The following CDKAL1 variants were observed in gnomAD, a reference collection of about 807,000 sequenced individuals.
The protein encoded by CDKAL1 is CDKAL1 threonylcarbamoyladenosine tRNA methylthiotransferase.
CDKAL1 carries 32 observed loss-of-function variants against 68.2 expected under a neutral mutation model. The observed-to-expected ratio is 0.47, with a 90% CI of 0.35 to 0.63. The LOEUF (loss-of-function observed/expected upper bound fraction) is 0.63. CDKAL1 is among the 30% of genes least tolerant of loss of function. CDKAL1 has a pLI of 0.00. For synonymous variants in CDKAL1, 234 were observed against 244.3 expected, an observed-to-expected ratio of 0.96 and a Z score of 0.39; for missense variants, 606 against 696.7, an observed-to-expected ratio of 0.87 and a Z score of 1.47.
At chr6:20,964,587 A>G (rs946153350) in intron 10 of CDKAL1, among the ~76,000 whole-genome samples, 1 of 152,164 alleles carries the variant, frequency 6.6e-6, no homozygotes, top group Non-Finnish European at 1.5e-5. Flanking sequence ...TATAAGTGGG[A>G]GCTGAATGGT....
At chr6:20,639,251 G>A (rs1391383889) in intron 4 of CDKAL1, among the ~76,000 whole-genome samples, 6 of 152,052 alleles carry the variant, frequency 3.9e-5, no homozygotes, top group African/African-American at 9.7e-5. Flanking sequence ...GCACTCAGGG[G>A]GACTATTTTA....
chr6:21,221,025 G>A (rs1779520519), intron 15 of CDKAL1, among the ~76,000 whole-genome samples: 1 of 151,912 alleles, frequency 6.6e-6, no homozygotes, highest in Admixed American at 6.6e-5. Context: ...AAATTAGCTG[G>A]GCGTGGTGGC....
intron 11 of CDKAL1, among the ~76,000 whole-genome samples, chr6:21,058,109 G>T (rs1770937542): frequency 6.6e-6 from 1 of 152,122 alleles, no homozygotes; most frequent in Non-Finnish European, 1.5e-5. Context: ...ATTGAAAGTG[G>T]GGTTTTAAAG....
chr6:20,602,304 G>C (rs898451452), intron 4 of CDKAL1, among the ~76,000 whole-genome samples: 10 of 152,100 alleles, frequency 6.6e-5, no homozygotes, highest in African/African-American at 1.2e-4. Flanking sequence ...CAAAGCCCTT[G>C]TCAGCTCTCA....
chr6:20,784,458 C>T (rs1775582605), intron 8 of CDKAL1, among the ~76,000 whole-genome samples: 1 of 74,032 alleles, frequency 1.4e-5, no homozygotes, highest in Non-Finnish European at 2.5e-5. Flanking sequence ...GAGTCTCACT[C>T]TGTCACCCAG....
intron 9 of CDKAL1, among the ~76,000 whole-genome samples, chr6:20,931,457 G>A (rs1003834426): frequency 5.3e-5 from 8 of 152,076 alleles, no homozygotes; most frequent in Admixed American, 3.3e-4. Flanking sequence ...GGGGAGTTTC[G>A]CTACTAACAA....
intron 9 of CDKAL1, among the ~76,000 whole-genome samples, chr6:20,917,729 A>G (rs1407459215): frequency 6.6e-6 from 1 of 152,206 alleles, no homozygotes; most frequent in East Asian, 1.9e-4. Flanking sequence ...TAGCTTCCAC[A>G]TATGAGTGAG....
intron 13 of CDKAL1, among the ~76,000 whole-genome samples, chr6:21,194,906 T>C (rs149744170): frequency 1.3e-5 from 2 of 152,266 alleles, no homozygotes; most frequent in East Asian, 1.9e-4. Context: ...TGTGACTTCA[T>C]TCATTAAAAA....
rs371483960 is a variant in CDKAL1 at position 21,067,446 on chromosome 6, A to G, written c.1236+2218A>G. ...AGCATGCGTATATATATCACAGTTT[A>G]TTCATCCTATTGATTATTAGCCGGG... On this transcript the variant is annotated intron_variant, in intron 12 of 15. Coordinates refer to ENST00000274695, the MANE Select transcript of CDKAL1 (RefSeq NM_017774.3). 1.4e-4 allele frequency among the ~76,000 whole-genome samples: 22 copies of G among 152,190 alleles called. No homozygotes were observed. The East Asian group carries it at 3.9e-3, about 27-fold the overall frequency.
intron 14 of CDKAL1, among the ~76,000 whole-genome samples, chr6:21,199,391 C>G (rs924783461): frequency 6.6e-6 from 1 of 152,182 alleles, no homozygotes; most frequent in African/African-American, 2.4e-5. Context: ...CCATGTCTGG[C>G]CTGCATCGCT....
intron 2 of CDKAL1, among the ~76,000 whole-genome samples, chr6:20,544,575 C>T (rs1287042304): frequency 1.6e-5 from 2 of 126,418 alleles, no homozygotes; most frequent in Non-Finnish European, 3.2e-5. Flanking sequence ...CAGCCTGGGC[C>T]ACAGAGCGAA....
intron 9 of CDKAL1, among the ~76,000 whole-genome samples, chr6:20,889,203 CT>C (rs1761251204): frequency 6.6e-6 from 1 of 151,838 alleles, no homozygotes; most frequent in South Asian, 2.1e-4. Flanking sequence ...CCTTTGCCCA[CT>C]TTTTGATGGG....
chr6:20,863,126 G>A (rs1452500892), intron 9 of CDKAL1, among the ~76,000 whole-genome samples: 3 of 152,142 alleles, frequency 2.0e-5, no homozygotes, highest in Non-Finnish European at 4.4e-5. Flanking sequence ...TATTTTGGTG[G>A]GTCTTGTATG....
intron 4 of CDKAL1, among the ~76,000 whole-genome samples, chr6:20,582,524 CCT>C (rs1352587298): frequency 1.3e-5 from 2 of 151,962 alleles, no homozygotes; most frequent in Non-Finnish European, 2.9e-5. Context: ...GGGTTTTTTT[CCT>C]CTCTAGAACC....
intron 13 of CDKAL1, among the ~76,000 whole-genome samples, chr6:21,163,716 C>G (rs370836899): frequency 1.3e-5 from 2 of 152,014 alleles, no homozygotes; most frequent in African/African-American, 4.8e-5. Context: ...TTCAGGAGGC[C>G]GAGAGACGGG....
chr6:20,825,591 C>T (rs888966914), intron 8 of CDKAL1, among the ~76,000 whole-genome samples: 1 of 152,100 alleles, frequency 6.6e-6, no homozygotes, highest in Admixed American at 6.6e-5. Context: ...TTATGTCACA[C>T]ACTGTGCTTT....
intron 9 of CDKAL1, among the ~76,000 whole-genome samples, chr6:20,925,485 A>G (rs1442261811): frequency 1.3e-5 from 2 of 152,228 alleles, no homozygotes; most frequent in African/African-American, 4.8e-5. Flanking sequence ...ACTATAGAAT[A>G]TACTGTTATA....
intron 10 of CDKAL1, among the ~76,000 whole-genome samples, chr6:20,998,186 G>T (rs951721512): frequency 6.6e-6 from 1 of 152,130 alleles, no homozygotes; most frequent in Non-Finnish European, 1.5e-5. Context: ...ATTTGGGGGG[G>T]ATTTTGATGT....
At chr6:20,826,415 T>G (rs993717213) in intron 8 of CDKAL1, among the ~76,000 whole-genome samples, 29 of 152,300 alleles carry the variant, frequency 1.9e-4, no homozygotes, top group African/African-American at 7.0e-4. Flanking sequence ...TGTTTTGAAT[T>G]GTTTTGGAAG....
Sources: allele counts gnomAD v4.1 joint callset (sites outside exome capture counted in the v4.1 genomes callset), GRCh38; gene constraint gnomAD v4.1.1; transcripts MANE v1.5; gene names NCBI Gene and HGNC (gene_info 2026-07-23, HGNC 2026-07-21).